The following PRKDC variants were observed in gnomAD, a reference collection of about 807,000 sequenced individuals.
PRKDC encodes DNA-dependent protein kinase catalytic subunit.
In PRKDC, 82 loss-of-function variants were observed where a neutral mutation model predicts 486.9. The observed-to-expected ratio is 0.17, with a 90% confidence interval of 0.14 to 0.20. PRKDC has a LOEUF of 0.20. Ranked by LOEUF, PRKDC falls within the 10% of genes least tolerant of loss-of-function variation. The pLI is 1.00. For synonymous variants in PRKDC, 1,895 were observed against 1,837.0 expected (o/e 1.03, Z -0.81); for missense variants, 4,504 against 5,038.2 (o/e 0.89, Z 3.21).
chr8:47,926,770 T>C (rs2090164194), intron 21 of PRKDC: 2 of 152,904 alleles, frequency 1.3e-5, no homozygotes, highest in African/African-American at 2.4e-5. Flanking sequence ...CTACCATTAG[T>C]GTGCTTCACC....
At chr8:47,920,225 A>G (rs902505163) in intron 21 of PRKDC, among the ~76,000 whole-genome samples, 5 of 152,010 alleles carry the variant, frequency 3.3e-5, no homozygotes, top group Non-Finnish European at 7.4e-5. Flanking sequence ...TCCACACTCT[A>G]TATTTCTGTG....
intron 66 of PRKDC, among the ~76,000 whole-genome samples, chr8:47,819,812 A>C (rs2087543646): frequency 6.6e-6 from 1 of 152,234 alleles, no homozygotes; most frequent in Non-Finnish European, 1.5e-5. Flanking sequence ...TATAATGTAA[A>C]ACTGCTGACT....
chr8:47,801,020 T>G, intron 70 of PRKDC, 34 bp from the exon 71 acceptor site: 1 of 1,570,254 alleles, frequency 6.4e-7, no homozygotes, highest in African/African-American at 1.3e-5. Flanking sequence ...AAAACAAAAT[T>G]TTGTATGTGT....
At position 47,775,994 on chromosome 8, in the gene PRKDC, T is replaced by C. The variant is rs182911889; in HGVS notation, c.12182+850A>G. ...GCGCACCACCATGCCCAGCTAATTTTTGTATTTTTAGTAGAGATGGGGTTT... is the reference window on the plus strand; with the variant it reads ...GCGCACCACCATGCCCAGCTAATTTCTGTATTTTTAGTAGAGATGGGGTTT... On this transcript the variant is annotated intron_variant, in intron 85 of 85. Coordinates refer to ENST00000314191, the MANE Select transcript of PRKDC (RefSeq NM_006904.7). 4.2e-3 allele frequency among the ~76,000 whole-genome samples: 644 copies of C among 152,132 alleles called. 6 individuals are homozygous for C. The highest frequency in any genetic ancestry group is 0.014 in the Middle Eastern group (4 of 294).
At chr8:47,930,930 A>G in intron 16 of PRKDC, 143 bp from the exon 17 acceptor site, 2 of 751,252 alleles carry the variant, frequency 2.7e-6, no homozygotes, top group Non-Finnish European at 4.3e-6. Context: ...ATGGGTGCTC[A>G]AGACCTATGG....
At chr8:47,815,954 A>C (rs1447923950) in intron 68 of PRKDC, among the ~76,000 whole-genome samples, 1 of 152,232 alleles carries the variant, frequency 6.6e-6, no homozygotes, top group East Asian at 1.9e-4. Flanking sequence ...TAATGCCTGT[A>C]ATCCCATTAC....
At chr8:47,926,246 T>A (rs765006761) in intron 21 of PRKDC, among the ~76,000 whole-genome samples, 3 of 152,206 alleles carry the variant, frequency 2.0e-5, no homozygotes, top group Non-Finnish European at 4.4e-5. Context: ...AGTTTGTAAT[T>A]TTGGTCTCTA....
chr8:47,894,797 C>T (rs996506669), intron 30 of PRKDC, among the ~76,000 whole-genome samples: 3 of 152,186 alleles, frequency 2.0e-5, no homozygotes, highest in Non-Finnish European at 4.4e-5. Context: ...AAGCTAGATG[C>T]AATGGCTTGT....
Position 47,777,679 on chromosome 8 carries a change from A to G in PRKDC, c.12042+7T>C, listed in dbSNP as rs1164204177. On this transcript the variant is annotated splice_region_variant and intron_variant, in intron 84 of 85. Transcript: ENST00000314191. ...AAAGTGAAAAGTGCACATGAAACAAAACCTACTTTCCAATCAAAGGAGGGC... is the reference window on the plus strand; with the variant it reads ...AAAGTGAAAAGTGCACATGAAACAAGACCTACTTTCCAATCAAAGGAGGGC... 1 of 1,574,628 alleles carries G rather than the reference A, an allele frequency of 6.4e-7. No individual in the cohort carries two copies. The highest frequency in any genetic ancestry group is 8.6e-7 in the Non-Finnish European group (1 of 1,156,616).
chr8:47,953,897 G>T lies in PRKDC; in HGVS notation c.531C>A (p.Leu177=). The part of the protein sequence containing the change: ...PDTVLEKVYE[L]LGLLGEVHPS... The stretch of plus-strand genomic sequence containing the variant: ...GATGAACTTCACCCAATAATCCTAG[G>T]AGCTCATATACTTTTTCTAAAACTG... The change falls in exon 6 of 86, where the codon CTC becomes CTA. Residue 177 remains leucine (L), a synonymous_variant. Coordinates refer to ENST00000314191, the MANE Select transcript of PRKDC (RefSeq NM_006904.7). 6.4e-7 allele frequency: 1 copy of T among 1,550,514 alleles called. No individual in the cohort carries two copies. Among genetic ancestry groups the T allele is most frequent in the South Asian group, 1.2e-5 (1 of 83,124 alleles).
At chr8:47,830,830 A>G in intron 60 of PRKDC, 94 bp from the exon 61 acceptor site, 1 of 1,511,434 alleles carries the variant, frequency 6.6e-7, no homozygotes, top group Non-Finnish European at 9.1e-7. Flanking sequence ...CCCCTGAACC[A>G]TGAGGGCGAA....
At chr8:47,826,378 T>C (rs867934028) in intron 63 of PRKDC, among the ~76,000 whole-genome samples, 1 of 152,212 alleles carries the variant, frequency 6.6e-6, no homozygotes, top group South Asian at 2.1e-4. Flanking sequence ...TACAAGAAAC[T>C]AAACTTGGTG....
intron 72 of PRKDC, 69 bp downstream of exon 72, chr8:47,799,141 G>C (rs1277546235): frequency 1.3e-6 from 2 of 1,559,392 alleles, no homozygotes; most frequent in Non-Finnish European, 1.8e-6. Flanking sequence ...GGAGACCAAA[G>C]GTATGTACAA....
At chr8:47,837,012 C>G (rs760769342) in intron 57 of PRKDC, among the ~76,000 whole-genome samples, 200 bp downstream of exon 57, 1 of 152,214 alleles carries the variant, frequency 6.6e-6, no homozygotes, top group East Asian at 1.9e-4. Flanking sequence ...GCGATCCTGA[C>G]AAGGGAAATC....
chr8:47,815,296 T>C (rs1174716871), intron 68 of PRKDC, among the ~76,000 whole-genome samples: 2 of 152,204 alleles, frequency 1.3e-5, no homozygotes, highest in East Asian at 1.9e-4. Flanking sequence ...ATGTGGTCAA[T>C]TGAGTTTCAA....
intron 22 of PRKDC, 79 bp from the exon 23 acceptor site, chr8:47,915,497 G>T: frequency 2.3e-6 from 2 of 865,174 alleles, no homozygotes; most frequent in Non-Finnish European, 3.5e-6. Context: ...AAAACTCTTT[G>T]CCACCCACTT....
intron 36 of PRKDC, among the ~76,000 whole-genome samples, chr8:47,884,758 A>T (rs371163476): frequency 6.6e-6 from 1 of 152,246 alleles, no homozygotes; most frequent in East Asian, 1.9e-4. Context: ...TAAAATGGTC[A>T]TATCAACAGT....
Position 47,953,730 on chromosome 8 carries a change from A to C in PRKDC, c.622-11T>G. 1 of 1,602,030 alleles carries C rather than the reference A, an allele frequency of 6.2e-7. No individual in the cohort carries two copies. Among genetic ancestry groups the C allele is most frequent in the East Asian group, 2.2e-5 (1 of 44,686 alleles). ...TACTGCTGATGTCATCTAAAAGAAAAGATTTAAGAAGATGTCATTACAAGA... is the reference window on the plus strand; with the variant it reads ...TACTGCTGATGTCATCTAAAAGAAACGATTTAAGAAGATGTCATTACAAGA... On this transcript the variant is annotated splice_polypyrimidine_tract_variant and intron_variant, in intron 6 of 85. Transcript: ENST00000314191.
At chr8:47,868,126 T>C (rs191047804) in intron 40 of PRKDC, among the ~76,000 whole-genome samples, 19 of 152,324 alleles carry the variant, frequency 1.2e-4, no homozygotes, top group African/African-American at 4.3e-4. Context: ...TCATGAAGGA[T>C]ACTTACTGGT....
Sources: gnomAD v4.1 joint callset for allele counts (sites outside exome capture counted in the v4.1 genomes callset) on GRCh38, gnomAD v4.1.1 for gene constraint, MANE v1.5 for transcripts, NCBI Gene and HGNC (gene_info 2026-07-23, HGNC 2026-07-21) for gene names.